The following KCNB2 variants were observed in gnomAD, a reference collection of about 807,000 sequenced individuals.
KCNB2 encodes the protein potassium voltage-gated channel subfamily B member 2.
In KCNB2, 15 loss-of-function variants were observed where a neutral mutation model predicts 61.5. The ratio of observed to expected loss-of-function variants is 0.24; its 90% CI spans 0.16 to 0.38. KCNB2 has a LOEUF of 0.38. Among genes scored for constraint, KCNB2 ranks in the 10% least tolerant of loss-of-function variants. The pLI is 1.00. For missense variants in KCNB2, 828 were observed against 1,125.2 expected (o/e 0.74, Z 3.78); for synonymous variants, 457 against 446.0 (o/e 1.02, Z -0.31).
chr8:72,859,848 T>C (rs1473193259), intron 2 of KCNB2, among the ~76,000 whole-genome samples: 2 of 150,508 alleles, frequency 1.3e-5, no homozygotes, highest in Non-Finnish European at 2.9e-5. Flanking sequence ...TCCTCCAGAG[T>C]AGCTGGGATT....
rs186091235 is a variant in KCNB2, at chr8:72,861,353, C to T, written c.580-74582C>T. On this transcript the variant is annotated intron_variant, in intron 2 of 2. Transcript: ENST00000523207. ...GCAAAAATAAGAATTTGATCATATC[C>T]ACACAATTTAAAAGCCAAGGAATGC... Among the ~76,000 whole-genome samples the T allele has an allele frequency of 1.7e-3, 263 of 152,190 alleles. 3 individuals are homozygous for T. The highest frequency in any genetic ancestry group is 1.3e-3 in the Non-Finnish European group (90 of 68,018).
In KCNB2 at chr8:72,651,368, A is replaced by G. The variant is rs552225737; in HGVS notation, c.579+83055A>G. Among the ~76,000 whole-genome samples the G allele has an allele frequency of 5.3e-5, 8 of 152,308 alleles. No individual in the cohort carries two copies. The South Asian group carries it at 1.4e-3, about 28-fold the overall frequency. On this transcript the variant is annotated intron_variant, in intron 2 of 2. Transcript: ENST00000523207. The stretch of plus-strand genomic sequence containing the variant: ...AATAATAAGCAATTTTGTCTTGGGA[A>G]TTCTTTCAAAAGTTGCATTTCAATT...
At chr8:72,563,461 G>A (rs1037906356) in intron 1 of KCNB2, among the ~76,000 whole-genome samples, 1 of 152,086 alleles carries the variant, frequency 6.6e-6, no homozygotes, top group Admixed American at 6.6e-5. Flanking sequence ...TTCAGCCTAG[G>A]AGGCCTCTGT....
chr8:72,675,210 TC>T (rs1806632851), intron 2 of KCNB2, among the ~76,000 whole-genome samples: 1 of 152,216 alleles, frequency 6.6e-6, no homozygotes, highest in African/African-American at 2.4e-5. Context: ...TGTTTAAGTA[TC>T]TTTGCCAAGA....
Position 72,668,709 on chromosome 8 carries a change from T to A in KCNB2, c.579+100396T>A, listed in dbSNP as rs186810819. Among the ~76,000 whole-genome samples the A allele has an allele frequency of 3.4e-4, 52 of 152,294 alleles. 2 individuals are homozygous for A. The highest frequency in any genetic ancestry group is 3.4e-3 in the Admixed American group (52 of 15,290). ...CCCTTTATTATTTTCCATCACAGAA[T>A]CCTGTTGGAATGCTTTGAAAGATTT... On this transcript the variant is annotated intron_variant, in intron 2 of 2. Transcript: ENST00000523207.
intron 2 of KCNB2, among the ~76,000 whole-genome samples, chr8:72,586,551 A>G (rs893250037): frequency 1.3e-5 from 2 of 152,250 alleles, no homozygotes; most frequent in African/African-American, 4.8e-5. Context: ...GTGCAGAAGG[A>G]CATGATGTCT....
At chr8:72,897,268 T>A (rs1402687965) in intron 2 of KCNB2, among the ~76,000 whole-genome samples, 2 of 134,198 alleles carry the variant, frequency 1.5e-5, no homozygotes, top group Non-Finnish European at 3.3e-5. Context: ...CAAAATCAAG[T>A]GAAAATAAAA....
chr8:72,901,945 G>A (rs1366553347), intron 2 of KCNB2, among the ~76,000 whole-genome samples: 1 of 152,154 alleles, frequency 6.6e-6, no homozygotes, highest in East Asian at 1.9e-4. Flanking sequence ...AGATAGGTTT[G>A]AGCTGATGTC....
At chr8:72,662,218 G>A (rs1240525522) in intron 2 of KCNB2, among the ~76,000 whole-genome samples, 2 of 152,062 alleles carry the variant, frequency 1.3e-5, no homozygotes, top group Non-Finnish European at 2.9e-5. Flanking sequence ...TGATCTCCAG[G>A]GCCAGCACAG....
chr8:72,873,462 A>G (rs950378340), intron 2 of KCNB2, among the ~76,000 whole-genome samples: 1 of 152,248 alleles, frequency 6.6e-6, no homozygotes, highest in African/African-American at 2.4e-5. Context: ...GGGATTTTTC[A>G]TAATTAGAAT....
intron 2 of KCNB2, among the ~76,000 whole-genome samples, chr8:72,782,545 T>C (rs1398360525): frequency 1.3e-5 from 2 of 152,148 alleles, no homozygotes; most frequent in African/African-American, 4.8e-5. Flanking sequence ...GAATGCCTTA[T>C]TGCTTCATTT....
chr8:72,685,827 G>A (rs1046293548), intron 2 of KCNB2, among the ~76,000 whole-genome samples: 8 of 152,110 alleles, frequency 5.3e-5, no homozygotes, highest in Middle Eastern at 6.8e-3. Context: ...CTGTCTCTAC[G>A]AAAAATACAA....
intron 2 of KCNB2, among the ~76,000 whole-genome samples, chr8:72,681,562 G>C (rs1806755656): frequency 6.6e-6 from 1 of 152,032 alleles, no homozygotes; most frequent in African/African-American, 2.4e-5. Flanking sequence ...CTGCCTGAGG[G>C]TGTTTTACAA....
At chr8:72,905,541 G>T (rs771807328) in intron 2 of KCNB2, among the ~76,000 whole-genome samples, 10 of 151,168 alleles carry the variant, frequency 6.6e-5, no homozygotes, top group Non-Finnish European at 1.0e-4. Flanking sequence ...TACAAGAAGA[G>T]TAATGGCACT....
chr8:72,901,811 T>A (rs935985132), intron 2 of KCNB2, among the ~76,000 whole-genome samples: 1 of 152,158 alleles, frequency 6.6e-6, no homozygotes, highest in Admixed American at 6.5e-5. Flanking sequence ...TGCATTCCCA[T>A]CAGCAATGAC....
chr8:72,600,606 T>A (rs11995898), intron 2 of KCNB2, among the ~76,000 whole-genome samples: 204 of 145,098 alleles, frequency 1.4e-3, no homozygotes, highest in South Asian at 7.9e-3. Flanking sequence ...TAATAAAATT[T>A]AAAAAAAAAA....
intron 2 of KCNB2, among the ~76,000 whole-genome samples, chr8:72,865,529 A>G (rs1408473183): frequency 6.6e-6 from 1 of 152,196 alleles, no homozygotes; most frequent in Non-Finnish European, 1.5e-5. Flanking sequence ...ATAATTAACA[A>G]TGGTGATGAT....
intron 2 of KCNB2, among the ~76,000 whole-genome samples, chr8:72,765,799 A>C (rs1370919149): frequency 6.6e-6 from 1 of 152,218 alleles, no homozygotes; most frequent in Non-Finnish European, 1.5e-5. Context: ...ATAGCCCCAG[A>C]CTTTCTAATT....
At chr8:72,711,856 G>A (rs1383567993) in intron 2 of KCNB2, among the ~76,000 whole-genome samples, 1 of 152,114 alleles carries the variant, frequency 6.6e-6, no homozygotes, top group African/African-American at 2.4e-5. Context: ...GCCAGGCTTG[G>A]TTGCAGGCAC....
Sources: allele counts gnomAD v4.1 joint callset (sites outside exome capture counted in the v4.1 genomes callset), GRCh38; gene constraint gnomAD v4.1.1; transcripts MANE v1.5; gene names NCBI Gene and HGNC (gene_info 2026-07-23, HGNC 2026-07-21).